SLC24A2: variants seen among roughly 807,000 people sequenced by gnomAD.
SLC24A2 encodes sodium/potassium/calcium exchanger 2.
A neutral mutation model predicts 62.0 loss-of-function variants in SLC24A2; 36 were observed. The ratio of observed to expected loss-of-function variants is 0.58; its 90% CI spans 0.44 to 0.77. SLC24A2 has a LOEUF of 0.77. SLC24A2 is among the 30% of genes least tolerant of loss of function. SLC24A2 has a pLI of 0.00. For synonymous variants in SLC24A2, 358 were observed against 294.0 expected (o/e 1.22, Z -2.23); for missense variants, 846 against 817.9 (o/e 1.03, Z -0.42).
At chr9:19,607,187 C>G (rs759122910) in intron 4 of SLC24A2, among the ~76,000 whole-genome samples, 1 of 152,188 alleles carries the variant, frequency 6.6e-6, no homozygotes, top group Non-Finnish European at 1.5e-5. Context: ...AATAGGAAGT[C>G]TTTGGTAAAT....
At chr9:19,964,381 TAATAAA>T in the SLC24A2 span, among the ~76,000 whole-genome samples, 1 of 151,818 alleles carries the variant, frequency 6.6e-6, no homozygotes, top group Admixed American at 6.6e-5. Flanking sequence ...ATAATAATAA[TAATAAA>T]AAAAGGAGTT....
chr9:19,950,824 A>G, the SLC24A2 span, among the ~76,000 whole-genome samples: 2 of 152,178 alleles, frequency 1.3e-5, no homozygotes, highest in South Asian at 2.1e-4. Context: ...TGTAAACATC[A>G]TAACAAAAGG....
chr9:19,825,220 T>C, the SLC24A2 span, among the ~76,000 whole-genome samples: 15 of 152,204 alleles, frequency 9.9e-5, no homozygotes, highest in Non-Finnish European at 2.1e-4. Flanking sequence ...ATTTCTATTA[T>C]CTAATAGCCA....
intron 2 of SLC24A2, among the ~76,000 whole-genome samples, chr9:19,703,085 G>C (rs892886105): frequency 1.3e-5 from 2 of 152,152 alleles, no homozygotes; most frequent in Non-Finnish European, 2.9e-5. Flanking sequence ...GTGTGTGTAA[G>C]TGTGTGTACT....
the SLC24A2 span, among the ~76,000 whole-genome samples, chr9:19,822,134 T>G: frequency 1.3e-5 from 2 of 152,178 alleles, no homozygotes; most frequent in East Asian, 3.9e-4. Context: ...CATCTATTGA[T>G]TGAAGAATAA....
chr9:19,731,444 GC>G (rs1285297592), intron 2 of SLC24A2, among the ~76,000 whole-genome samples: 1 of 151,946 alleles, frequency 6.6e-6, no homozygotes, highest in African/African-American at 2.4e-5. Context: ...TAAGGGTGGG[GC>G]TTTGATCTAA....
chr9:20,182,726 T>C, the SLC24A2 span, among the ~76,000 whole-genome samples: 3 of 152,136 alleles, frequency 2.0e-5, no homozygotes, highest in African/African-American at 7.2e-5. Context: ...GGCACATGTA[T>C]ACCTACGTAA....
chr9:19,593,465 G>C (rs1471484930), intron 5 of SLC24A2, among the ~76,000 whole-genome samples: 1 of 152,162 alleles, frequency 6.6e-6, no homozygotes, highest in Non-Finnish European at 1.5e-5. Context: ...AGACAGGGGA[G>C]GGGGAAAGGG....
At chr9:19,996,811 C>T in the SLC24A2 span, among the ~76,000 whole-genome samples, 10 of 149,154 alleles carry the variant, frequency 6.7e-5, no homozygotes, top group African/African-American at 1.2e-4. Context: ...CCCTCCATAA[C>T]GAGTAACACC....
chr9:19,844,602 T>G, the SLC24A2 span, among the ~76,000 whole-genome samples: 18 of 152,144 alleles, frequency 1.2e-4, no homozygotes, highest in African/African-American at 4.3e-4. Flanking sequence ...AAGGCCAATG[T>G]CTGGAATGGT....
the SLC24A2 span, among the ~76,000 whole-genome samples, chr9:19,966,791 A>G: frequency 6.6e-6 from 1 of 152,218 alleles, no homozygotes; most frequent in African/African-American, 2.4e-5. Context: ...TGCGAATGCA[A>G]TTGCTGAGAG....
the SLC24A2 span, among the ~76,000 whole-genome samples, chr9:19,920,568 T>C: frequency 6.6e-6 from 1 of 152,136 alleles, no homozygotes; most frequent in Non-Finnish European, 1.5e-5. Context: ...CGTACCGCTA[T>C]GGGCTACCTG....
chr9:19,786,054 T>G lies in SLC24A2; in HGVS notation c.813A>C (p.Thr271=). ...TGAAAACCACATAGCAAAAATAAGC[T>G]GTTAAGAGAAGCAAGCTTTCCCACC... ...IMWWESLLLL[T]AYFCYVVFMK... Residue 271 remains threonine, a synonymous_variant, in exon 2 of 11, where the codon ACA becomes ACC. Transcript: ENST00000341998. The surrounding 1 kb of genome is among the most constrained non-coding windows in gnomAD (Gnocchi z 5.0). 1 of 1,614,210 alleles carries G rather than the reference T, an allele frequency of 6.2e-7. No homozygotes were observed. Among genetic ancestry groups the G allele is most frequent in the Non-Finnish European group, 8.5e-7 (1 of 1,180,036 alleles).
chr9:19,705,720 A>G (rs1184209132), intron 2 of SLC24A2: 1 of 162,910 alleles, frequency 6.1e-6, no homozygotes, highest in African/African-American at 2.4e-5. Context: ...CAGGTTGTTC[A>G]GTTTCCATGT....
the SLC24A2 span, among the ~76,000 whole-genome samples, chr9:20,057,923 G>C: frequency 6.6e-6 from 1 of 152,134 alleles, no homozygotes; most frequent in African/African-American, 2.4e-5. Context: ...CAGTTCAGTA[G>C]GCTATCAAAA....
the SLC24A2 span, among the ~76,000 whole-genome samples, chr9:20,113,924 G>A: frequency 3.3e-5 from 5 of 152,176 alleles, no homozygotes; most frequent in Admixed American, 3.3e-4. Flanking sequence ...ACAACAGGCA[G>A]CTTGGGATAG....
chr9:20,089,919 T>C, the SLC24A2 span, among the ~76,000 whole-genome samples: 1 of 151,966 alleles, frequency 6.6e-6, no homozygotes, highest in African/African-American at 2.4e-5. Flanking sequence ...TGCAGCTACC[T>C]CTCTCCACTG....
rs142642179 is a variant in SLC24A2, at chr9:19,547,445, G to A, written c.1479+2692C>T. On this transcript the variant is annotated intron_variant, in intron 8 of 10. Coordinates refer to ENST00000341998, the MANE Select transcript of SLC24A2 (RefSeq NM_020344.4). Reference sequence around the variant, plus strand: ...GAGCAGTTGTCATGACCCACGTAACGACTGCCTTGATTGATTTTTGTTGGT... The same window carrying A: ...GAGCAGTTGTCATGACCCACGTAACAACTGCCTTGATTGATTTTTGTTGGT... Among the ~76,000 whole-genome samples the A allele has an allele frequency of 1.7e-3, 255 of 152,248 alleles. 1 individual carries two copies. Among genetic ancestry groups the A allele is most frequent in the Middle Eastern group, 3.4e-3 (1 of 294 alleles).
chr9:20,236,505 A>AT, the SLC24A2 span, among the ~76,000 whole-genome samples: 1 of 151,982 alleles, frequency 6.6e-6, no homozygotes, highest in Non-Finnish European at 1.5e-5. Flanking sequence ...TCAAAGATAA[A>AT]TTTTCCTCTG....
Sources: gnomAD v4.1 joint callset for allele counts (sites outside exome capture counted in the v4.1 genomes callset) on GRCh38, gnomAD v4.1.1 for gene constraint, Gnocchi (gnomAD v3.1) non-coding constraint, MANE v1.5 for transcripts, NCBI Gene and HGNC (gene_info 2026-07-23, HGNC 2026-07-21) for gene names.